L3MBTL4: variants seen among roughly 807,000 people sequenced by gnomAD.
L3MBTL4 encodes lethal(3)malignant brain tumor-like protein 4.
In L3MBTL4, 70 loss-of-function variants were observed where a neutral mutation model predicts 84.5. That is an observed-to-expected ratio of 0.83 (90% CI 0.68 to 1.01). L3MBTL4 has a LOEUF of 1.01. Ranked by LOEUF, L3MBTL4 falls within the 50% of genes least tolerant of loss-of-function variation. L3MBTL4 has a pLI of 0.00. For missense variants in L3MBTL4, 715 were observed against 754.8 expected (o/e 0.95, Z 0.62); for synonymous variants, 274 against 259.8 (o/e 1.05, Z -0.52).
rs1273584006 is a variant in L3MBTL4 at position 6,142,957 on chromosome 18, C to T, written c.1097-4661G>A. ...GTCATTCAGTAAATAAAAGGATCTA[C>T]CAGAAAAGAAACATATAGTATATAA... On this transcript the variant is annotated intron_variant, in intron 13 of 18. Coordinates refer to ENST00000317931, the MANE Select transcript of L3MBTL4 (RefSeq NM_001330559.2). Among the ~76,000 whole-genome samples the T allele has an allele frequency of 2.0e-5, 3 of 152,020 alleles. No individual in the cohort carries two copies. The East Asian group carries it at 5.8e-4, about 29-fold the overall frequency.
At chr18:6,174,866 A>C (rs1386823450) in intron 12 of L3MBTL4, among the ~76,000 whole-genome samples, 1 of 136,028 alleles carries the variant, frequency 7.4e-6, no homozygotes, top group African/African-American at 3.3e-5. Flanking sequence ...AACTCTGTCA[A>C]AAAAAAAAAA....
chr18:6,312,676 G>T (rs2050895661), intron 1 of L3MBTL4, among the ~76,000 whole-genome samples: 2 of 152,186 alleles, frequency 1.3e-5, no homozygotes, highest in Admixed American at 1.3e-4. Flanking sequence ...CTGGGCTAAT[G>T]TCTGAGCCAG....
intron 3 of L3MBTL4, among the ~76,000 whole-genome samples, chr18:6,308,893 A>AT (rs1362084400): frequency 6.6e-6 from 1 of 152,090 alleles, no homozygotes; most frequent in African/African-American, 2.4e-5. Context: ...GTACTGTTTT[A>AT]TTTTTTAACC....
chr18:6,036,901 A>C lies in L3MBTL4; in HGVS notation c.1444+43980T>G, dbSNP rs148250190. On this transcript the variant is annotated intron_variant, in intron 16 of 18. Transcript: ENST00000317931. Reference sequence around the variant, plus strand: ...CCCGGGCCATACATAGTCATTTTCTAACTTCTCCATACACATGGTTGCTTT... The same window carrying C: ...CCCGGGCCATACATAGTCATTTTCTCACTTCTCCATACACATGGTTGCTTT... Among the ~76,000 whole-genome samples the C allele has an allele frequency of 7.4e-3, 1,129 of 152,232 alleles. 20 individuals carry two copies. The highest frequency in any genetic ancestry group is 0.026 in the African/African-American group (1,071 of 41,540).
At chr18:6,055,179 T>G (rs1196128334) in intron 16 of L3MBTL4, among the ~76,000 whole-genome samples, 1 of 152,246 alleles carries the variant, frequency 6.6e-6, no homozygotes, top group Non-Finnish European at 1.5e-5. Context: ...CCAACTTCTC[T>G]TATGAATTTC....
rs1422162873 is a variant in L3MBTL4, at chr18:6,371,939, A to T, written c.-91+42862T>A. ...ATGTCTACCTTGACGCAATGAACACAGGCCTGAAGCCATAAAGAAGATACA... is the reference window on the plus strand; with the variant it reads ...ATGTCTACCTTGACGCAATGAACACTGGCCTGAAGCCATAAAGAAGATACA... On this transcript the variant is annotated intron_variant, in intron 1 of 18. Coordinates refer to ENST00000317931, the MANE Select transcript of L3MBTL4 (RefSeq NM_001330559.2). Among the ~76,000 whole-genome samples, 5 of 152,206 alleles carry T rather than the reference A, an allele frequency of 3.3e-5. No individual in the cohort carries two copies. In the East Asian group the frequency reaches 9.6e-4, roughly 29 times the overall value.
rs139207559 is a variant in L3MBTL4, at chr18:6,192,331, A to C, written c.982-20389T>G. On this transcript the variant is annotated intron_variant, in intron 12 of 18. Coordinates refer to ENST00000317931, the MANE Select transcript of L3MBTL4 (RefSeq NM_001330559.2). ...GGAAAAACGAAGGATAAGGAAGAGC[A>C]GTGAGTTGCTGAAAGGTGGCAGAGC... Among the ~76,000 whole-genome samples, 302 of 152,352 alleles carry C rather than the reference A, an allele frequency of 2.0e-3. 1 individual carries two copies. Among genetic ancestry groups the C allele is most frequent in the African/African-American group, 7.0e-3 (291 of 41,588 alleles).
chr18:6,191,259 G>A (rs1007828279), intron 12 of L3MBTL4, among the ~76,000 whole-genome samples: 1 of 152,180 alleles, frequency 6.6e-6, no homozygotes, highest in African/African-American at 2.4e-5. Context: ...CCAGGCAAGA[G>A]GTGATGTATT....
chr18:6,175,227 G>C (rs750108870), intron 12 of L3MBTL4, among the ~76,000 whole-genome samples: 16 of 152,116 alleles, frequency 1.1e-4, no homozygotes, highest in Admixed American at 5.2e-4. Flanking sequence ...ATGGGAAAGT[G>C]GGCCACCTTC....
chr18:6,355,532 A>G (rs903440056), intron 1 of L3MBTL4, among the ~76,000 whole-genome samples: 64 of 152,310 alleles, frequency 4.2e-4, no homozygotes, highest in Middle Eastern at 3.4e-3. Flanking sequence ...CTTGAGCAAA[A>G]TAGATGACTT....
intron 15 of L3MBTL4, among the ~76,000 whole-genome samples, chr18:6,081,981 C>T (rs1172067703): frequency 2.0e-5 from 3 of 152,182 alleles, no homozygotes; most frequent in Non-Finnish European, 2.9e-5. Flanking sequence ...GTGGAGCATA[C>T]TAACCACATG....
intron 16 of L3MBTL4, chr18:6,032,140 G>A: frequency 3.7e-6 from 1 of 272,048 alleles, no homozygotes; most frequent in Non-Finnish European, 6.5e-6. Context: ...ACCACGCCTG[G>A]CTAATTTTTT....
chr18:6,002,173 A>T (rs2054244962), intron 16 of L3MBTL4, among the ~76,000 whole-genome samples: 3 of 152,176 alleles, frequency 2.0e-5, no homozygotes. Flanking sequence ...AAATAAAATC[A>T]TCAACCTAGA....
At chr18:6,221,438 A>AAATCTATCT (rs2046548814) in intron 10 of L3MBTL4, among the ~76,000 whole-genome samples, 6 of 152,196 alleles carry the variant, frequency 3.9e-5, no homozygotes, top group African/African-American at 1.4e-4. Flanking sequence ...CACAATAGAC[A>AAATCTATCT]GAATGTTCAG....
At chr18:6,081,671 T>G (rs1043953004) in intron 15 of L3MBTL4, among the ~76,000 whole-genome samples, 3 of 152,212 alleles carry the variant, frequency 2.0e-5, no homozygotes, top group Non-Finnish European at 2.9e-5. Context: ...AAGTCTCTCA[T>G]TTCATTTTCA....
intron 1 of L3MBTL4, among the ~76,000 whole-genome samples, chr18:6,365,085 ATATT>A (rs1201872398): frequency 5.9e-5 from 9 of 152,166 alleles, no homozygotes; most frequent in Admixed American, 5.2e-4. Context: ...TTAAGCTTGA[ATATT>A]TATATGTATA....
chr18:6,079,604 T>C (rs2057999536), intron 16 of L3MBTL4, among the ~76,000 whole-genome samples: 1 of 152,220 alleles, frequency 6.6e-6, no homozygotes. Context: ...ACTACATTTA[T>C]GATATGAACT....
chr18:6,392,250 T>C (rs764950001), intron 1 of L3MBTL4, among the ~76,000 whole-genome samples: 1 of 152,130 alleles, frequency 6.6e-6, no homozygotes, highest in Non-Finnish European at 1.5e-5. Flanking sequence ...GGACACCCTA[T>C]TAATAAATGG....
chr18:6,030,260 C>T (rs8084935), intron 16 of L3MBTL4: 1 of 978,088 alleles, frequency 1.0e-6, no homozygotes, highest in African/African-American at 1.8e-5. Context: ...AGAGATACCC[C>T]CTTATACCTG....
Sources: allele counts gnomAD v4.1 joint callset (sites outside exome capture counted in the v4.1 genomes callset), GRCh38; gene constraint gnomAD v4.1.1; transcripts MANE v1.5; gene names NCBI Gene and HGNC (gene_info 2026-07-23, HGNC 2026-07-21).